The following CTNNA3 variants were observed in gnomAD, a reference collection of about 807,000 sequenced individuals.
CTNNA3 encodes the protein catenin alpha-3.
In CTNNA3, 76 loss-of-function variants were observed where a neutral mutation model predicts 95.7. That is an observed-to-expected ratio of 0.79 (90% CI 0.66 to 0.96). CTNNA3 has a LOEUF of 0.96. CTNNA3 is among the 40% of genes least tolerant of loss of function. The probability of loss-of-function intolerance (pLI) is 0.00; values close to 1 mark genes in which losing one functional copy is unlikely to be tolerated. For missense variants in CTNNA3, 1,191 were observed against 1,089.8 expected (o/e 1.09, Z -1.31); for synonymous variants, 431 against 374.4 (o/e 1.15, Z -1.74).
intron 7 of CTNNA3, among the ~76,000 whole-genome samples, chr10:67,127,136 C>T (rs888726727): frequency 1.8e-4 from 27 of 152,036 alleles, no homozygotes; most frequent in African/African-American, 6.3e-4. Flanking sequence ...GTATTTTGTA[C>T]ATTTGTATTT....
chr10:66,598,483 A>G (rs1843803250), intron 10 of CTNNA3, among the ~76,000 whole-genome samples: 1 of 152,042 alleles, frequency 6.6e-6, no homozygotes, highest in African/African-American at 2.4e-5. Flanking sequence ...TCTTGTTTGT[A>G]GACAACATGG....
At chr10:67,470,642 A>AACAC (rs10695283) in intron 5 of CTNNA3, among the ~76,000 whole-genome samples, 2,754 of 148,680 alleles carry the variant, frequency 0.019, 47 homozygotes, top group African/African-American at 0.047. Context: ...GCAAGTTTGC[A>AACAC]ACACACACAC....
intron 9 of CTNNA3, among the ~76,000 whole-genome samples, chr10:66,649,598 C>T (rs986151317): frequency 3.3e-5 from 5 of 152,150 alleles, no homozygotes; most frequent in African/African-American, 1.2e-4. Context: ...CACCTATGGC[C>T]CCAGACTCCA....
intron 5 of CTNNA3, among the ~76,000 whole-genome samples, chr10:67,321,279 A>G (rs1841308474): frequency 6.6e-6 from 1 of 152,220 alleles, no homozygotes; most frequent in Admixed American, 6.5e-5. Flanking sequence ...ACCTAAGAGA[A>G]GATAGATTAA....
intron 8 of CTNNA3, among the ~76,000 whole-genome samples, chr10:66,766,784 T>C (rs944500859): frequency 1.3e-5 from 2 of 152,222 alleles, no homozygotes; most frequent in African/African-American, 4.8e-5. Flanking sequence ...TAATTACAAA[T>C]TATAGAATGT....
At chr10:66,171,026 G>T (rs1486839475) in intron 13 of CTNNA3, among the ~76,000 whole-genome samples, 1 of 151,958 alleles carries the variant, frequency 6.6e-6, no homozygotes, top group African/African-American at 2.4e-5. Flanking sequence ...CCAGCTACTT[G>T]GGAGGACAAG....
intron 13 of CTNNA3, among the ~76,000 whole-genome samples, chr10:66,138,766 G>T (rs529733041): frequency 6.6e-6 from 1 of 152,306 alleles, no homozygotes; most frequent in Non-Finnish European, 1.5e-5. Context: ...GGCTGAAGCA[G>T]AAGAATCGCT....
chr10:67,444,899 T>C lies in CTNNA3; in HGVS notation c.579+76943A>G, dbSNP rs529848462. Among the ~76,000 whole-genome samples the C allele has an allele frequency of 4.6e-5, 7 of 152,058 alleles. No homozygotes were observed. The East Asian group carries it at 9.7e-4, about 21-fold the overall frequency. On this transcript the variant is annotated intron_variant, in intron 5 of 17. Transcript: ENST00000433211. Reference sequence around the variant, plus strand: ...ATAATAAGCAAAGAGATCCAAGCCATAATAAAGTGTCATCCAGCAAACAAA... The same window carrying C: ...ATAATAAGCAAAGAGATCCAAGCCACAATAAAGTGTCATCCAGCAAACAAA...
chr10:66,812,562 T>C (rs1841922981), intron 7 of CTNNA3, among the ~76,000 whole-genome samples: 1 of 152,164 alleles, frequency 6.6e-6, no homozygotes, highest in African/African-American at 2.4e-5. Flanking sequence ...CTTACATACC[T>C]CAGTTTCCTC....
At chr10:66,081,213 C>T (rs7067769) in intron 14 of CTNNA3, among the ~76,000 whole-genome samples, 92,108 of 151,952 alleles carry the variant, frequency 0.61, 28,005 homozygotes, top group East Asian at 0.71. Flanking sequence ...CCACCTGACA[C>T]TGGCAAGTAG....
rs150469216 is a variant in CTNNA3 at position 67,266,963 on chromosome 10, T to G, written c.580-47093A>C. On this transcript the variant is annotated intron_variant, in intron 5 of 17. Coordinates refer to ENST00000433211, the MANE Select transcript of CTNNA3 (RefSeq NM_013266.4). Reference sequence around the variant, plus strand: ...ATGATTTATCAATTAAAAATAATATTAACTTTAATAGAATTAAACTTTTGT... The same window carrying G: ...ATGATTTATCAATTAAAAATAATATGAACTTTAATAGAATTAAACTTTTGT... Among the ~76,000 whole-genome samples the G allele has an allele frequency of 2.3e-3, 345 of 152,356 alleles. 2 individuals are homozygous for G. Among genetic ancestry groups the G allele is most frequent in the African/African-American group, 7.9e-3 (329 of 41,586 alleles).
rs898865076 is a variant in CTNNA3, at chr10:66,687,155, A to G, written c.1282-65371T>C. ...AGTATGTACCAACTAAGAAGAAGGG[A>G]AAAAGGGTACATTCATTTCCTATCT... On this transcript the variant is annotated intron_variant, in intron 9 of 17. Transcript: ENST00000433211. Among the ~76,000 whole-genome samples, 3 of 152,108 alleles carry G rather than the reference A, an allele frequency of 2.0e-5. No homozygotes were observed. The East Asian group carries it at 5.8e-4, about 29-fold the overall frequency.
chr10:66,199,805 A>ATTTTTTTT (rs1226520776), intron 13 of CTNNA3, among the ~76,000 whole-genome samples: 8 of 14,284 alleles, frequency 5.6e-4, no homozygotes, highest in Admixed American at 1.4e-3. Flanking sequence ...ATATATATAT[A>ATTTTTTTT]TTTTTTTTTT....
chr10:66,769,364 C>G (rs1036909745), intron 8 of CTNNA3, among the ~76,000 whole-genome samples: 8 of 152,136 alleles, frequency 5.3e-5, no homozygotes, highest in Non-Finnish European at 8.8e-5. Context: ...TTAACCCATG[C>G]AAAAAACAAA....
chr10:67,042,621 G>A (rs573590397), intron 7 of CTNNA3, among the ~76,000 whole-genome samples: 1 of 151,848 alleles, frequency 6.6e-6, no homozygotes, highest in South Asian at 2.1e-4. Context: ...GAGAAAGGAA[G>A]TCATGGAAGA....
intron 1 of CTNNA3, among the ~76,000 whole-genome samples, chr10:67,668,584 C>T (rs1339151074): frequency 6.6e-6 from 1 of 152,108 alleles, no homozygotes; most frequent in Non-Finnish European, 1.5e-5. Flanking sequence ...ATCTAGATGG[C>T]CTCTAGGAGT....
At chr10:67,726,347 A>G (rs1479376949) in intron 1 of CTNNA3, among the ~76,000 whole-genome samples, 3 of 64,194 alleles carry the variant, frequency 4.7e-5, no homozygotes, top group East Asian at 5.9e-4. Flanking sequence ...TATATAATAT[A>G]TGATATATAT....
At chr10:67,539,225 G>A (rs1277859601) in intron 4 of CTNNA3, among the ~76,000 whole-genome samples, 3 of 152,010 alleles carry the variant, frequency 2.0e-5, no homozygotes, top group African/African-American at 7.3e-5. Context: ...TTTATAGAGA[G>A]CATAGTTATT....
chr10:67,343,093 C>G (rs1019072034), intron 5 of CTNNA3, among the ~76,000 whole-genome samples: 4 of 152,040 alleles, frequency 2.6e-5, no homozygotes, highest in Admixed American at 1.3e-4. Context: ...GCTGGGATTA[C>G]AGGTGCACCA....
Sources: gnomAD v4.1 joint callset for allele counts (sites outside exome capture counted in the v4.1 genomes callset) on GRCh38, gnomAD v4.1.1 for gene constraint, MANE v1.5 for transcripts, NCBI Gene and HGNC (gene_info 2026-07-23, HGNC 2026-07-21) for gene names.